Variants in COBL observed in about 807,000 individuals in gnomAD.
COBL encodes the protein cordon-bleu WH2 repeat protein.
Under a neutral mutation model 98.8 loss-of-function variants are expected in COBL, and 51 were observed. The ratio of observed to expected loss-of-function variants is 0.52; its 90% confidence interval spans 0.41 to 0.65. The LOEUF (loss-of-function observed/expected upper bound fraction) is 0.65, where lower values mean the gene tolerates loss of function less well. Among genes scored for constraint, COBL ranks in the 30% least tolerant of loss-of-function variants. The pLI, the probability that COBL is intolerant of heterozygous loss-of-function variation, is 0.00. For synonymous variants in COBL, 634 were observed against 651.7 expected (o/e 0.97, Z 0.41); for missense variants, 1,617 against 1,617.5 (o/e 1.00, Z 0.01).
chr7:51,122,663 C>G (rs1797844883), intron 6 of COBL, among the ~76,000 whole-genome samples: 1 of 152,160 alleles, frequency 6.6e-6, no homozygotes, highest in East Asian at 1.9e-4. Context: ...GGCAGATATG[C>G]TTTACATCTG....
At chr7:51,022,559 G>A (rs1209344474) in intron 12 of COBL, 1 of 152,114 alleles carries the variant, frequency 6.6e-6, no homozygotes, top group Non-Finnish European at 1.5e-5. Context: ...CTGTTCTTTC[G>A]GGCTAGTCAA....
chr7:51,276,613 G>C (rs1364631350), intron 1 of COBL, among the ~76,000 whole-genome samples: 1 of 152,226 alleles, frequency 6.6e-6, no homozygotes, highest in Non-Finnish European at 1.5e-5. Context: ...AAGGTGTGGG[G>C]GATGAAAGGA....
chr7:51,119,389 A>G (rs951622572), intron 6 of COBL, among the ~76,000 whole-genome samples: 1 of 152,188 alleles, frequency 6.6e-6, no homozygotes, highest in Non-Finnish European at 1.5e-5. Context: ...AACCAAGGGA[A>G]CCAAATTATT....
At chr7:51,216,027 G>C (rs1793006482) in intron 2 of COBL, among the ~76,000 whole-genome samples, 1 of 152,196 alleles carries the variant, frequency 6.6e-6, no homozygotes, top group Non-Finnish European at 1.5e-5. Context: ...CTGAATATGA[G>C]GCAGATTTCC....
chr7:51,045,113 G>A (rs13438522), intron 7 of COBL, among the ~76,000 whole-genome samples: 2,361 of 152,254 alleles, frequency 0.016, 39 homozygotes, highest in African/African-American at 0.054. Context: ...GAGAAGAAAC[G>A]TCGCTGTAGC....
intron 1 of COBL, among the ~76,000 whole-genome samples, chr7:51,230,276 T>C (rs1352542794): frequency 6.6e-6 from 1 of 152,182 alleles, no homozygotes; most frequent in Non-Finnish European, 1.5e-5. Flanking sequence ...CAACACCCAA[T>C]GAAGAGCTCT....
At chr7:51,271,876 C>G (rs1798793096) in intron 1 of COBL, among the ~76,000 whole-genome samples, 2 of 152,078 alleles carry the variant, frequency 1.3e-5, no homozygotes, top group Admixed American at 1.3e-4. Context: ...ATGAAAAATA[C>G]AAAAATTATG....
At chr7:51,066,706 G>C (rs112541608) in intron 7 of COBL, among the ~76,000 whole-genome samples, 1 of 152,224 alleles carries the variant, frequency 6.6e-6, no homozygotes, top group South Asian at 2.1e-4. Context: ...CGCTGGCAGC[G>C]AATCTATGAA....
chr7:51,236,383 A>T (rs917676023), intron 1 of COBL, among the ~76,000 whole-genome samples: 10 of 152,182 alleles, frequency 6.6e-5, no homozygotes, highest in African/African-American at 2.4e-4. Context: ...TGAAGGCCTC[A>T]CAGAGGACAG....
intron 1 of COBL, among the ~76,000 whole-genome samples, chr7:51,222,157 C>T (rs1793714318): frequency 6.6e-6 from 1 of 151,740 alleles, no homozygotes; most frequent in African/African-American, 2.4e-5. Flanking sequence ...CCACTGCACC[C>T]CAGCCTGGGC....
At chr7:51,285,211 C>T (rs1220780651) in intron 1 of COBL, among the ~76,000 whole-genome samples, 1 of 152,090 alleles carries the variant, frequency 6.6e-6, no homozygotes, top group Non-Finnish European at 1.5e-5. Context: ...TCCTAAAGTG[C>T]TGGGATTACA....
At chr7:51,115,667 G>T (rs909491429) in intron 6 of COBL, among the ~76,000 whole-genome samples, 2 of 151,992 alleles carry the variant, frequency 1.3e-5, no homozygotes, top group Non-Finnish European at 2.9e-5. Context: ...ATACCACATT[G>T]TACTAGAAAA....
chr7:51,200,967 A>G (rs1028468828), intron 2 of COBL, among the ~76,000 whole-genome samples: 4 of 152,146 alleles, frequency 2.6e-5, no homozygotes, highest in Non-Finnish European at 4.4e-5. Flanking sequence ...GGAGCCCGGC[A>G]TGGTGGCTCA....
chr7:51,229,110 A>T (rs1158140517), intron 1 of COBL, among the ~76,000 whole-genome samples: 1 of 152,178 alleles, frequency 6.6e-6, no homozygotes, highest in Non-Finnish European at 1.5e-5. Flanking sequence ...CCGCACAGCC[A>T]ACGCTGTTCC....
At chr7:51,161,731 C>CT (rs922335327) in intron 5 of COBL, among the ~76,000 whole-genome samples, 2 of 152,002 alleles carry the variant, frequency 1.3e-5, no homozygotes, top group African/African-American at 4.8e-5. Flanking sequence ...GTAGTAATAC[C>CT]TTTAGATTGG....
At chr7:51,110,588 T>TGAAGA (rs1796734035) in intron 6 of COBL, among the ~76,000 whole-genome samples, 1 of 152,230 alleles carries the variant, frequency 6.6e-6, no homozygotes, top group Non-Finnish European at 1.5e-5. Flanking sequence ...GGTATTTGGT[T>TGAAGA]ACATAAGTTC....
chr7:51,198,584 C>A (rs959458464), intron 2 of COBL, among the ~76,000 whole-genome samples: 4 of 152,200 alleles, frequency 2.6e-5, no homozygotes, highest in African/African-American at 9.7e-5. Context: ...AAGCTAAACT[C>A]TCTTTTCCTA....
chr7:51,148,728 C>G (rs940218268), intron 5 of COBL, among the ~76,000 whole-genome samples: 5 of 152,172 alleles, frequency 3.3e-5, no homozygotes, highest in African/African-American at 1.2e-4. Context: ...CTGAGATCCA[C>G]TCCCCTGAAT....
chr7:51,133,363 T>C (rs1002883841), intron 6 of COBL, among the ~76,000 whole-genome samples: 3 of 152,228 alleles, frequency 2.0e-5, no homozygotes, highest in African/African-American at 4.8e-5. Flanking sequence ...TTGAGGTAAC[T>C]TTCCTACTGA....
Sources: allele counts gnomAD v4.1 joint callset (sites outside exome capture counted in the v4.1 genomes callset), GRCh38; gene constraint gnomAD v4.1.1; transcripts MANE v1.5; gene names NCBI Gene and HGNC (gene_info 2026-07-23, HGNC 2026-07-21).